The following ERC1 variants were observed in gnomAD, a reference collection of about 807,000 sequenced individuals.
ERC1 encodes the protein RAB6 interacting protein 2.
A neutral mutation model predicts 132.0 loss-of-function variants in ERC1; 56 were observed. That is an observed-to-expected ratio of 0.42 (90% CI 0.34 to 0.53). The LOEUF (loss-of-function observed/expected upper bound fraction) is 0.53, where lower values mean the gene tolerates loss of function less well. ERC1 is among the 20% of genes least tolerant of loss of function. ERC1 has a pLI of 0.03. For missense variants in ERC1, 1,202 were observed against 1,349.9 expected (o/e 0.89, Z 1.72); for synonymous variants, 478 against 476.1 (o/e 1.00, Z -0.05).
chr12:1,097,559 C>G (rs1342669893), intron 3 of ERC1, among the ~76,000 whole-genome samples: 1 of 152,104 alleles, frequency 6.6e-6, no homozygotes, highest in Non-Finnish European at 1.5e-5. Context: ...CTGATAGTTG[C>G]TCTTTCTCCA....
chr12:1,312,790 G>A (rs2081402444), intron 15 of ERC1, among the ~76,000 whole-genome samples: 1 of 151,986 alleles, frequency 6.6e-6, no homozygotes. Context: ...TTTATGAGTT[G>A]GTCATTTCTT....
At chr12:1,144,678 C>A (rs771913034) in intron 8 of ERC1, among the ~76,000 whole-genome samples, 12 of 139,842 alleles carry the variant, frequency 8.6e-5, no homozygotes, top group Non-Finnish European at 1.0e-4. Flanking sequence ...ACCACATTTT[C>A]TTTATCCACT....
intron 14 of ERC1, among the ~76,000 whole-genome samples, chr12:1,265,585 T>A (rs566269368): frequency 6.6e-6 from 1 of 152,334 alleles, no homozygotes; most frequent in South Asian, 2.1e-4. Context: ...ATTAACTGTG[T>A]GGTCCATAGT....
Position 1,407,424 on chromosome 12 carries a change from C to T in ERC1, c.2926-725C>T, listed in dbSNP as rs150273076. Among the ~76,000 whole-genome samples, 924 of 151,982 alleles carry T rather than the reference C, an allele frequency of 6.1e-3. 11 individuals carry two copies. The highest frequency in any genetic ancestry group is 0.021 in the African/African-American group (878 of 41,410). Reference sequence around the variant, plus strand: ...TTTTAAAATTAAGCATGGTGGCGTGCACCTGTAGTCCCAGCTGCTCGGGAA... The same window carrying T: ...TTTTAAAATTAAGCATGGTGGCGTGTACCTGTAGTCCCAGCTGCTCGGGAA... On this transcript the variant is annotated intron_variant, in intron 16 of 18. Coordinates refer to ENST00000360905, the MANE Select transcript of ERC1 (RefSeq NM_178040.4).
chr12:1,244,779 C>T, intron 13 of ERC1: 1 of 272,266 alleles, frequency 3.7e-6, no homozygotes, highest in Non-Finnish European at 7.4e-6. Context: ...TCGGCCTCTA[C>T]AAGTGCTGGG....
At chr12:1,076,170 A>G (rs1053201502) in intron 2 of ERC1, among the ~76,000 whole-genome samples, 12 of 152,184 alleles carry the variant, frequency 7.9e-5, no homozygotes, top group African/African-American at 2.7e-4. Flanking sequence ...TTTTTGGATA[A>G]GAACTTTATC....
rs184113572 is a variant in ERC1, at chr12:1,099,488, T to C, written c.1087-5262T>C. ...CTCTCAGGTGTTCCTTAGGAAACTT[T>C]ACAAGATCCCAAGACTACGTCAGGA... is the stretch of plus-strand genomic sequence containing the variant. On this transcript the variant is annotated intron_variant, in intron 3 of 18. Coordinates refer to ENST00000360905, the MANE Select transcript of ERC1 (RefSeq NM_178040.4). Among the ~76,000 whole-genome samples the C allele has an allele frequency of 1.4e-3, 220 of 152,364 alleles. 4 individuals are homozygous for C. The highest frequency in any genetic ancestry group is 0.012 in the Admixed American group (180 of 15,304).
At chr12:1,420,996 A>G (rs2092406395) in intron 17 of ERC1, among the ~76,000 whole-genome samples, 2 of 150,844 alleles carry the variant, frequency 1.3e-5, no homozygotes, top group South Asian at 4.2e-4. Context: ...TTTTAAATTG[A>G]CATCTAATAA....
At chr12:1,221,284 A>T (rs1043932519) in intron 12 of ERC1, among the ~76,000 whole-genome samples, 2 of 152,250 alleles carry the variant, frequency 1.3e-5, no homozygotes, top group Non-Finnish European at 2.9e-5. Context: ...AAAACACTTC[A>T]GTAAACATTG....
chr12:1,077,379 T>TA (rs1941518158), intron 2 of ERC1, among the ~76,000 whole-genome samples: 1 of 152,238 alleles, frequency 6.6e-6, no homozygotes, highest in Non-Finnish European at 1.5e-5. Context: ...TTATCTAAAA[T>TA]ATATGAATAG....
In ERC1 at chr12:1,408,161, A is replaced by G. The variant is rs371903952; in HGVS notation, c.2938A>G (p.Met980Val). The G allele has an allele frequency of 3.7e-6, 6 of 1,613,782 alleles. No individual in the cohort carries two copies. Among genetic ancestry groups the G allele is most frequent in the Non-Finnish European group, 5.1e-6 (6 of 1,179,752 alleles). The change falls in exon 17 of 19, where the codon ATG (methionine) becomes GTG (valine). Residue 980 changes from methionine (M) to valine (V), a missense_variant. By Grantham distance (21) the Met-to-Val change is conservative. Transcript: ENST00000360905. ...QQLKQQTQNR[M>V]KLMADNYEDD... The stretch of plus-strand genomic sequence containing the variant: ...AATTTCTTCCTAGACGCAAAATCGA[A>G]TGAAGCTAATGGCCGACAACTACGA...
chr12:1,240,681 A>T (rs1362047349), intron 13 of ERC1, among the ~76,000 whole-genome samples: 1 of 152,054 alleles, frequency 6.6e-6, no homozygotes, highest in Non-Finnish European at 1.5e-5. Flanking sequence ...TTTTAAACTG[A>T]AGGTCATATA....
chr12:1,356,557 G>A (rs1008506397), intron 15 of ERC1, among the ~76,000 whole-genome samples: 1 of 152,128 alleles, frequency 6.6e-6, no homozygotes, highest in Non-Finnish European at 1.5e-5. Context: ...TAATGCCATA[G>A]CTAAGGAGAG....
At chr12:1,120,684 C>A (rs771207195) in intron 7 of ERC1, among the ~76,000 whole-genome samples, 14 of 152,148 alleles carry the variant, frequency 9.2e-5, no homozygotes, top group Admixed American at 8.5e-4. Flanking sequence ...ATAATGTACA[C>A]CTTACTGCTT....
intron 17 of ERC1, among the ~76,000 whole-genome samples, chr12:1,439,653 T>C (rs2093046903): frequency 6.6e-6 from 1 of 152,216 alleles, no homozygotes; most frequent in Non-Finnish European, 1.5e-5. Context: ...GAAAAGTATA[T>C]TTAAGTACAG....
At chr12:1,323,242 G>A (rs1022937773) in intron 15 of ERC1, among the ~76,000 whole-genome samples, 2 of 151,466 alleles carry the variant, frequency 1.3e-5, no homozygotes, top group African/African-American at 4.9e-5. Flanking sequence ...GAAGTATGGT[G>A]CTTGCTGGTA....
intron 15 of ERC1, among the ~76,000 whole-genome samples, chr12:1,352,638 T>C (rs2085111876): frequency 6.6e-6 from 1 of 150,940 alleles, no homozygotes; most frequent in Admixed American, 6.6e-5. Context: ...TAATTTCTTG[T>C]CCTCATTGAC....
chr12:1,167,986 T>C (rs1593898336), intron 8 of ERC1, among the ~76,000 whole-genome samples: 1 of 152,154 alleles, frequency 6.6e-6, no homozygotes, highest in East Asian at 1.9e-4. Context: ...AGTGCTGGGA[T>C]TGCAGGCGTG....
At chr12:1,436,435 T>C (rs1372809669) in intron 17 of ERC1, among the ~76,000 whole-genome samples, 1 of 152,214 alleles carries the variant, frequency 6.6e-6, no homozygotes, top group African/African-American at 2.4e-5. Context: ...TTTGTTGAGA[T>C]GCTATCAAGG....
Sources: gnomAD v4.1 joint callset for allele counts (sites outside exome capture counted in the v4.1 genomes callset) on GRCh38, gnomAD v4.1.1 for gene constraint, MANE v1.5 for transcripts, NCBI Gene and HGNC (gene_info 2026-07-23, HGNC 2026-07-21) for gene names.